WDR70: variants seen among roughly 807,000 people sequenced by gnomAD.
WDR70 encodes WD repeat domain 70, also known as WD repeat-containing protein 70.
WDR70 carries 53 observed loss-of-function variants against 88.6 expected under a neutral mutation model. The observed-to-expected ratio is 0.60, with a 90% CI of 0.48 to 0.75. WDR70 has a LOEUF of 0.75. Among genes scored for constraint, WDR70 ranks in the 30% least tolerant of loss-of-function variants. WDR70 has a pLI of 0.00. For missense variants in WDR70, 610 were observed against 823.2 expected (o/e 0.74, Z 3.17); for synonymous variants, 280 against 270.0 (o/e 1.04, Z -0.36).
At chr5:37,487,408 TTG>T (rs1380493596) in intron 8 of WDR70, among the ~76,000 whole-genome samples, 2 of 151,596 alleles carry the variant, frequency 1.3e-5, no homozygotes, top group Admixed American at 1.3e-4. Flanking sequence ...TAATTAGTAA[TTG>T]TGGTTTACTG....
chr5:37,424,118 C>T (rs1170953487), intron 5 of WDR70, among the ~76,000 whole-genome samples: 1 of 133,400 alleles, frequency 7.5e-6, no homozygotes, highest in Non-Finnish European at 1.6e-5. Context: ...CACTGCATTC[C>T]AGCCGTGGCG....
At chr5:37,448,939 G>A (rs1199609031) in intron 7 of WDR70, among the ~76,000 whole-genome samples, 1 of 152,198 alleles carries the variant, frequency 6.6e-6, no homozygotes, top group African/African-American at 2.4e-5. Context: ...GAGATTATGA[G>A]TCCTTGGGAA....
chr5:37,421,777 T>C (rs1749953632), intron 5 of WDR70, among the ~76,000 whole-genome samples: 2 of 152,002 alleles, frequency 1.3e-5, no homozygotes, highest in African/African-American at 4.8e-5. Context: ...TTAATTTGTG[T>C]GCATGAGAAT....
intron 7 of WDR70, among the ~76,000 whole-genome samples, chr5:37,466,508 C>G (rs1739152736): frequency 6.6e-6 from 1 of 151,274 alleles, no homozygotes; most frequent in African/African-American, 2.4e-5. Flanking sequence ...AGATCGAGAC[C>G]ATCCTTACTA....
At chr5:37,388,929 G>A (rs1447238833) in intron 3 of WDR70, among the ~76,000 whole-genome samples, 1 of 151,968 alleles carries the variant, frequency 6.6e-6, no homozygotes, top group Non-Finnish European at 1.5e-5. Context: ...TGGCAGCTGA[G>A]TAGGCAGCCT....
chr5:37,462,314 A>AT (rs1202459968), intron 7 of WDR70, among the ~76,000 whole-genome samples: 1 of 151,790 alleles, frequency 6.6e-6, no homozygotes, highest in Non-Finnish European at 1.5e-5. Context: ...TAATTAATTA[A>AT]TTTTTTGAGA....
At chr5:37,487,425 A>C (rs867147238) in intron 8 of WDR70, among the ~76,000 whole-genome samples, 17 of 151,572 alleles carry the variant, frequency 1.1e-4, no homozygotes, top group African/African-American at 3.4e-4. Context: ...TTACTGGAAA[A>C]TTCAATGAAT....
chr5:37,473,934 A>AT (rs1174279712), intron 7 of WDR70, among the ~76,000 whole-genome samples: 12 of 152,066 alleles, frequency 7.9e-5, no homozygotes, highest in Admixed American at 4.6e-4. Flanking sequence ...TGATTAAAAC[A>AT]GTTTTTTTGT....
At chr5:37,632,036 A>G (rs534584337) in intron 10 of WDR70, among the ~76,000 whole-genome samples, 3 of 152,322 alleles carry the variant, frequency 2.0e-5, no homozygotes, top group African/African-American at 7.2e-5. Flanking sequence ...AGACTCAAGT[A>G]CAGTCATGCA....
chr5:37,718,686 G>A (rs1190468422), intron 13 of WDR70, among the ~76,000 whole-genome samples: 5 of 152,242 alleles, frequency 3.3e-5, no homozygotes, highest in East Asian at 3.9e-4. Flanking sequence ...TATTTCTCAT[G>A]GAGTAATGAT....
chr5:37,444,272 G>A (rs539677533), intron 7 of WDR70, among the ~76,000 whole-genome samples: 1 of 151,406 alleles, frequency 6.6e-6, no homozygotes, highest in Admixed American at 6.6e-5. Context: ...TACTGTTTAG[G>A]TATGGTCGGC....
At chr5:37,544,661 C>T (rs1741933293) in intron 9 of WDR70, among the ~76,000 whole-genome samples, 1 of 152,080 alleles carries the variant, frequency 6.6e-6, no homozygotes, top group African/African-American at 2.4e-5. Flanking sequence ...GTTTTAGATT[C>T]CTATAAAATG....
chr5:37,391,217 G>T lies in WDR70; in HGVS notation c.176-783G>T, dbSNP rs577126673. On this transcript the variant is annotated intron_variant, in intron 3 of 17. Coordinates refer to ENST00000265107, the MANE Select transcript of WDR70 (RefSeq NM_018034.4). ...TATTATATTGCTATGCAGTAATTTC[G>T]TTCAATTCTTTTACCACATTGGCCA... Among the ~76,000 whole-genome samples, 34 of 151,782 alleles carry T rather than the reference G, an allele frequency of 2.2e-4. No individual in the cohort carries two copies. In the South Asian group the frequency reaches 7.1e-3, roughly 32 times the overall value.
At chr5:37,489,402 C>G (rs181218294) in intron 8 of WDR70, among the ~76,000 whole-genome samples, 12 of 152,250 alleles carry the variant, frequency 7.9e-5, no homozygotes, top group Non-Finnish European at 1.5e-5. Context: ...TTCCAGGTAG[C>G]ACACACTGTT....
At chr5:37,478,663 C>A (rs1206694542) in intron 7 of WDR70, among the ~76,000 whole-genome samples, 1 of 152,178 alleles carries the variant, frequency 6.6e-6, no homozygotes, top group Non-Finnish European at 1.5e-5. Context: ...TAAAATAACC[C>A]CTCTGAGATA....
At chr5:37,564,282 G>A (rs1344639262) in intron 9 of WDR70, among the ~76,000 whole-genome samples, 3 of 152,234 alleles carry the variant, frequency 2.0e-5, no homozygotes, top group South Asian at 2.1e-4. Context: ...CCGGCACCTC[G>A]GGAGGCCGAG....
intron 10 of WDR70, among the ~76,000 whole-genome samples, chr5:37,688,730 T>C (rs998436010): frequency 1.9e-5 from 2 of 103,812 alleles, no homozygotes; most frequent in Non-Finnish European, 2.3e-5. Flanking sequence ...GATGGCCAAA[T>C]AGGAACAGCT....
chr5:37,502,548 C>T (rs1338669835), intron 8 of WDR70, among the ~76,000 whole-genome samples: 1 of 152,078 alleles, frequency 6.6e-6, no homozygotes, highest in Admixed American at 6.6e-5. Flanking sequence ...TTGAGGTAAT[C>T]ATATGGTTTT....
intron 10 of WDR70, among the ~76,000 whole-genome samples, chr5:37,643,529 G>A (rs1376687458): frequency 2.6e-5 from 4 of 151,456 alleles, no homozygotes; most frequent in Non-Finnish European, 1.5e-5. Context: ...TGTGAAGAAT[G>A]TCATTGGTAT....
Sources: allele counts gnomAD v4.1 joint callset (sites outside exome capture counted in the v4.1 genomes callset), GRCh38; gene constraint gnomAD v4.1.1; transcripts MANE v1.5; gene names NCBI Gene and HGNC (gene_info 2026-07-23, HGNC 2026-07-21).